Variants in TMEM132D observed in about 807,000 individuals in gnomAD.
TMEM132D encodes the protein transmembrane protein 132D.
A neutral mutation model predicts 62.3 loss-of-function variants in TMEM132D; 21 were observed. The observed-to-expected ratio is 0.34, with a 90% CI of 0.24 to 0.49. The LOEUF is 0.49. Among genes scored for constraint, TMEM132D ranks in the 20% least tolerant of loss-of-function variants. TMEM132D has a pLI of 0.99. For missense variants in TMEM132D, 1,346 were observed against 1,402.8 expected, an observed-to-expected ratio of 0.96 and a Z score of 0.65; for synonymous variants, 621 against 575.6, an observed-to-expected ratio of 1.08 and a Z score of -1.13.
chr12:129,512,436 G>T (rs1875522283), intron 3 of TMEM132D, among the ~76,000 whole-genome samples: 2 of 152,186 alleles, frequency 1.3e-5, no homozygotes, highest in South Asian at 4.1e-4. Context: ...GCCCTTCTTA[G>T]AATTATAGCC....
chr12:129,302,768 T>C (rs1415609882), intron 4 of TMEM132D, among the ~76,000 whole-genome samples: 1 of 152,198 alleles, frequency 6.6e-6, no homozygotes, highest in East Asian at 1.9e-4. Flanking sequence ...AACAGCCCCT[T>C]GGCCAAAGCA....
chr12:129,210,711 C>T (rs531593693), intron 4 of TMEM132D, among the ~76,000 whole-genome samples: 2 of 152,164 alleles, frequency 1.3e-5, no homozygotes, highest in African/African-American at 2.4e-5. Context: ...CAGCACCCAG[C>T]GCAGAGCTTA....
chr12:129,126,207 A>G (rs149463391), intron 5 of TMEM132D, among the ~76,000 whole-genome samples: 1,852 of 152,252 alleles, frequency 0.012, 25 homozygotes, highest in African/African-American at 0.036. Context: ...GTTAATATCT[A>G]TAAATCCCTC....
chr12:129,606,976 A>G (rs1455294292), intron 2 of TMEM132D, among the ~76,000 whole-genome samples: 1 of 152,094 alleles, frequency 6.6e-6, no homozygotes, highest in Admixed American at 6.5e-5. Context: ...CTTTTCTGCA[A>G]TTGTTACTTT....
chr12:129,341,540 C>G (rs923610553), intron 3 of TMEM132D, among the ~76,000 whole-genome samples: 3 of 152,212 alleles, frequency 2.0e-5, no homozygotes, highest in Admixed American at 6.5e-5. Context: ...GAGGCTGGCC[C>G]TTGCTGGGCA....
chr12:129,782,405 G>A lies in TMEM132D; in HGVS notation c.80-81707C>T, dbSNP rs114313328. ...CTTGTGGCAGTTTGATCTTAGACAAGTTGATTTACCTTTCTGTGCCTTTGT... is the reference window on the plus strand; with the variant it reads ...CTTGTGGCAGTTTGATCTTAGACAAATTGATTTACCTTTCTGTGCCTTTGT... On this transcript the variant is annotated intron_variant, in intron 1 of 8. Transcript: ENST00000422113. Among the ~76,000 whole-genome samples, 676 of 152,316 alleles carry A rather than the reference G, an allele frequency of 4.4e-3. 7 individuals carry two copies. The highest frequency in any genetic ancestry group is 0.015 in the African/African-American group (644 of 41,566).
intron 3 of TMEM132D, among the ~76,000 whole-genome samples, chr12:129,346,120 G>A (rs549323391): frequency 5.3e-5 from 8 of 152,190 alleles, no homozygotes; most frequent in Non-Finnish European, 1.0e-4. Context: ...TTCAGAACTT[G>A]TTATTGGTCT....
chr12:129,725,893 TAA>T (rs780238975), intron 1 of TMEM132D, among the ~76,000 whole-genome samples: 58 of 152,332 alleles, frequency 3.8e-4, no homozygotes, highest in Non-Finnish European at 7.5e-4. Context: ...CCCTAAATGA[TAA>T]GAGTGGTTCT....
At chr12:129,386,842 A>G (rs1426594590) in intron 3 of TMEM132D, among the ~76,000 whole-genome samples, 1 of 152,030 alleles carries the variant, frequency 6.6e-6, no homozygotes, top group Non-Finnish European at 1.5e-5. Flanking sequence ...TATCACTAAC[A>G]CCAACACCGA....
chr12:129,512,132 T>G (rs1875514056), intron 3 of TMEM132D, among the ~76,000 whole-genome samples: 1 of 152,242 alleles, frequency 6.6e-6, no homozygotes, highest in Non-Finnish European at 1.5e-5. Context: ...ATTAAACTCC[T>G]CTTTTCCTAA....
At position 129,081,845 on chromosome 12, in the gene TMEM132D, A is replaced by G. The variant is rs376232738; in HGVS notation, c.1837T>C (p.Phe613Leu). Residue 613 changes from phenylalanine (F) to leucine (L), a missense_variant, in exon 7 of 9, where the codon TTC becomes CTC. Coordinates refer to ENST00000422113, the MANE Select transcript of TMEM132D (RefSeq NM_133448.3). ...QVDITELINDFMQVEEPRIAK... is the reference protein window; with the variant it reads ...QVDITELINDLMQVEEPRIAK... ...ATCCTGGGCTCCTCCACCTGCATGA[A>G]GTCATTTATCAGCTCCGTGATGTCC... 6.2e-7 allele frequency: 1 copy of G among 1,613,718 alleles called. No homozygotes were observed. The highest frequency in any genetic ancestry group is 1.3e-5 in the African/African-American group (1 of 74,792).
At chr12:129,250,655 G>A (rs1276465895) in intron 4 of TMEM132D, among the ~76,000 whole-genome samples, 1 of 152,114 alleles carries the variant, frequency 6.6e-6, no homozygotes, top group Non-Finnish European at 1.5e-5. Context: ...TTTCTCTAGG[G>A]GTTTGTTCAA....
intron 3 of TMEM132D, among the ~76,000 whole-genome samples, chr12:129,352,468 C>G (rs1305345171): frequency 6.9e-6 from 1 of 145,620 alleles, no homozygotes; most frequent in Non-Finnish European, 1.5e-5. Context: ...TCAGAGTGAA[C>G]AGGCAACCTA....
intron 3 of TMEM132D, among the ~76,000 whole-genome samples, chr12:129,443,457 G>C (rs1872997415): frequency 6.6e-6 from 1 of 152,124 alleles, no homozygotes; most frequent in East Asian, 1.9e-4. Context: ...AGCTGAGTTT[G>C]GTGAGCGATG....
At chr12:129,463,974 C>A (rs1300391846) in intron 3 of TMEM132D, among the ~76,000 whole-genome samples, 1 of 149,836 alleles carries the variant, frequency 6.7e-6, no homozygotes, top group African/African-American at 2.5e-5. Context: ...ATTTATAGTC[C>A]TTTGGGTATA....
At chr12:129,396,345 C>T (rs553948241) in intron 3 of TMEM132D, among the ~76,000 whole-genome samples, 1 of 152,218 alleles carries the variant, frequency 6.6e-6, no homozygotes, top group African/African-American at 2.4e-5. Flanking sequence ...CTACTAAAGC[C>T]CCCACATTGT....
intron 1 of TMEM132D, among the ~76,000 whole-genome samples, chr12:129,800,551 T>C (rs1188472949): frequency 6.6e-6 from 1 of 152,124 alleles, no homozygotes; most frequent in East Asian, 1.9e-4. Context: ...AGGGGAGCAG[T>C]GGAGGCCATA....
chr12:129,880,253 T>C (rs1045392695), intron 1 of TMEM132D, among the ~76,000 whole-genome samples: 12 of 152,144 alleles, frequency 7.9e-5, no homozygotes, highest in African/African-American at 2.4e-4. Flanking sequence ...CCCAGAATTC[T>C]ATACCCAGTA....
At chr12:129,509,553 C>A (rs1293582207) in intron 3 of TMEM132D, among the ~76,000 whole-genome samples, 1 of 152,108 alleles carries the variant, frequency 6.6e-6, no homozygotes, top group East Asian at 1.9e-4. Context: ...GTTGTGCTAT[C>A]AAATATTAGG....
Sources: allele counts gnomAD v4.1 joint callset (sites outside exome capture counted in the v4.1 genomes callset), GRCh38; gene constraint gnomAD v4.1.1; transcripts MANE v1.5; gene names NCBI Gene and HGNC (gene_info 2026-07-23, HGNC 2026-07-21).